The following NAT1 variants were observed in gnomAD, a reference collection of about 807,000 sequenced individuals.
NAT1 encodes the protein arylamine N-acetyltransferase 1.
For missense variants in NAT1, 400 were observed against 339.2 expected (o/e 1.18, Z -1.41); for synonymous variants, 144 against 122.6 (o/e 1.17, Z -1.16).
At chr8:18,199,532 G>C (rs1315142426) in intron 2 of NAT1, among the ~76,000 whole-genome samples, 1 of 152,066 alleles carries the variant, frequency 6.6e-6, no homozygotes. Flanking sequence ...CCTTTAAGGA[G>C]TCTTCTGCCT....
intron 2 of NAT1, among the ~76,000 whole-genome samples, chr8:18,192,775 A>C (rs1413721430): frequency 6.7e-6 from 1 of 150,184 alleles, no homozygotes; most frequent in Non-Finnish European, 1.5e-5. Flanking sequence ...TCACCCATAG[A>C]TGGGAATTGA....
intron 2 of NAT1, chr8:18,221,826 A>C (rs947105899): frequency 2.4e-6 from 1 of 423,662 alleles, no homozygotes; most frequent in Non-Finnish European, 4.1e-6. Flanking sequence ...AGCTTCTCAC[A>C]CTTGAAAGAA....
intron 2 of NAT1, among the ~76,000 whole-genome samples, chr8:18,181,288 A>G (rs918810342): frequency 3.9e-5 from 6 of 152,042 alleles, no homozygotes; most frequent in East Asian, 1.9e-4. Context: ...TGCTTTCTCA[A>G]TTTCTAAGAT....
At chr8:18,174,211 G>C (rs1350538831) in intron 2 of NAT1, among the ~76,000 whole-genome samples, 1 of 152,134 alleles carries the variant, frequency 6.6e-6, no homozygotes, top group Non-Finnish European at 1.5e-5. Flanking sequence ...TGTTTCCCAG[G>C]GTGAGGGAAA....
chr8:18,186,937 G>A (rs900191009), intron 2 of NAT1, among the ~76,000 whole-genome samples: 1 of 152,138 alleles, frequency 6.6e-6, no homozygotes, highest in Non-Finnish European at 1.5e-5. Flanking sequence ...CTGCAGGGAA[G>A]GGGCCCCTGG....
intron 2 of NAT1, among the ~76,000 whole-genome samples, chr8:18,199,052 G>A (rs1393306431): frequency 4.0e-5 from 6 of 151,756 alleles, no homozygotes; most frequent in Non-Finnish European, 7.4e-5. Flanking sequence ...TGTGGCTCAC[G>A]ACTGTAATTC....
rs567782823 is a variant in NAT1 at position 18,176,880 on chromosome 8, A to G, written n.92+6141A>G. ...AGAATATCTTTCCATTTATTGTGTC[A>G]TCTTCAATTTCTTTAATCAATGTTT... is the stretch of plus-strand genomic sequence containing the variant. On this transcript the variant is annotated intron_variant and non_coding_transcript_variant, in intron 2 of 4. Transcript: ENST00000517441. 2.0e-4 allele frequency among the ~76,000 whole-genome samples: 31 copies of G among 151,992 alleles called. No homozygotes were observed. The South Asian group carries it at 5.0e-3, about 24-fold the overall frequency.
At chr8:18,190,469 C>T (rs911313976) in intron 2 of NAT1, among the ~76,000 whole-genome samples, 1 of 152,254 alleles carries the variant, frequency 6.6e-6, no homozygotes, top group African/African-American at 2.4e-5. Context: ...AGTGTTTCCT[C>T]TTTACCCTAC....
intron 2 of NAT1, among the ~76,000 whole-genome samples, chr8:18,186,743 A>C (rs1232154104): frequency 6.6e-6 from 1 of 152,170 alleles, no homozygotes; most frequent in African/African-American, 2.4e-5. Context: ...TACAGATCGC[A>C]ACATGCCCCT....
intron 2 of NAT1, among the ~76,000 whole-genome samples, chr8:18,196,572 T>C (rs1803243828): frequency 6.6e-6 from 1 of 152,218 alleles, no homozygotes; most frequent in Non-Finnish European, 1.5e-5. Flanking sequence ...TTATTACCGA[T>C]ACATCTGACT....
intron 2 of NAT1, among the ~76,000 whole-genome samples, chr8:18,221,403 A>G (rs1805284750): frequency 6.7e-6 from 1 of 150,372 alleles, no homozygotes; most frequent in Admixed American, 6.7e-5. Flanking sequence ...TTCCCAGGGC[A>G]CTTACTACAA....
At chr8:18,177,077 TATTGA>T (rs1296929673) in intron 2 of NAT1, among the ~76,000 whole-genome samples, 1 of 152,106 alleles carries the variant, frequency 6.6e-6, no homozygotes, top group African/African-American at 2.4e-5. Flanking sequence ...ACTTGCATCT[TATTGA>T]ATTGATCACT....
intron 2 of NAT1, among the ~76,000 whole-genome samples, chr8:18,201,744 G>C (rs1028824171): frequency 6.6e-6 from 1 of 152,134 alleles, no homozygotes; most frequent in African/African-American, 2.4e-5. Flanking sequence ...GTCCCATGGT[G>C]CTTCCCTCTT....
At chr8:18,197,651 C>T (rs182209380) in intron 2 of NAT1, among the ~76,000 whole-genome samples, 1 of 152,120 alleles carries the variant, frequency 6.6e-6, no homozygotes, top group African/African-American at 2.4e-5. Context: ...CTTGGTGTGG[C>T]GGTTTGTCTA....
At chr8:18,194,738 T>A (rs545504454) in intron 2 of NAT1, among the ~76,000 whole-genome samples, 2 of 151,902 alleles carry the variant, frequency 1.3e-5, no homozygotes, top group Non-Finnish European at 2.9e-5. Flanking sequence ...GAGAATCGCT[T>A]GAACCCTGGG....
intron 2 of NAT1, among the ~76,000 whole-genome samples, chr8:18,188,321 T>A (rs1802826534): frequency 6.6e-6 from 1 of 152,208 alleles, no homozygotes; most frequent in Admixed American, 6.5e-5. Context: ...AACTTTGACT[T>A]CCTCCAGTTA....
At position 18,222,490 on chromosome 8, in the gene NAT1, G is replaced by C; in HGVS notation, c.443G>C (p.Cys148Ser). Residue 148 changes from cysteine (C) to serine (S), a missense_variant, in exon 3 of 3, where the codon TGT becomes TCT. Cys to Ser is a moderately radical substitution (Grantham distance 112). Transcript: ENST00000307719. Reference protein sequence around the residue: ...ISGKDQPQVPCVFRLTEENGF... With the variant: ...ISGKDQPQVPSVFRLTEENGF... ...GGGAAGGATCAGCCTCAGGTGCCTT[G>C]TGTCTTCCGTTTGACGGAAGAGAAT... 2.5e-6 allele frequency: 4 copies of C among 1,614,106 alleles called. No individual in the cohort carries two copies. Among genetic ancestry groups the C allele is most frequent in the Non-Finnish European group, 3.4e-6 (4 of 1,180,020 alleles).
intron 2 of NAT1, among the ~76,000 whole-genome samples, chr8:18,191,217 C>A (rs1356314610): frequency 2.0e-5 from 3 of 152,140 alleles, no homozygotes; most frequent in Admixed American, 1.3e-4. Flanking sequence ...GCATTTCTGA[C>A]CTGTATGTAA....
intron 1 of NAT1, chr8:18,216,833 G>C: frequency 8.2e-7 from 1 of 1,219,300 alleles, no homozygotes. Context: ...GCACAAAAAT[G>C]GTAAGGGGGA....
Sources: gnomAD v4.1 joint callset for allele counts (sites outside exome capture counted in the v4.1 genomes callset) on GRCh38, gnomAD v4.1.1 for gene constraint, MANE v1.5 for transcripts, NCBI Gene and HGNC (gene_info 2026-07-23, HGNC 2026-07-21) for gene names.